Variants in BCAS3 observed in about 807,000 individuals in gnomAD.
BCAS3 encodes the protein BCAS4/BCAS3 fusion.
Under a neutral mutation model 116.1 loss-of-function variants are expected in BCAS3, and 53 were observed. The ratio of observed to expected loss-of-function variants is 0.46; its 90% confidence interval spans 0.37 to 0.57. The LOEUF is 0.57. BCAS3 is among the 20% of genes least tolerant of loss of function. The pLI is 0.00. For synonymous variants in BCAS3, 391 were observed against 408.2 expected, an observed-to-expected ratio of 0.96 and a Z score of 0.51; for missense variants, 917 against 1,165.4, an observed-to-expected ratio of 0.79 and a Z score of 3.10.
At chr17:61,312,523 C>T (rs1269080937) in intron 22 of BCAS3, among the ~76,000 whole-genome samples, 2 of 152,190 alleles carry the variant, frequency 1.3e-5, no homozygotes, top group Admixed American at 6.5e-5. Context: ...TAACAGCAGA[C>T]GTTCATGTCT....
At chr17:61,094,497 T>G (rs771806470) in intron 22 of BCAS3, among the ~76,000 whole-genome samples, 1 of 152,214 alleles carries the variant, frequency 6.6e-6, no homozygotes, top group Non-Finnish European at 1.5e-5. Flanking sequence ...AATTGAAAAT[T>G]AGAAATTTGA....
At chr17:60,968,544 A>C (rs1427207066) in intron 14 of BCAS3, among the ~76,000 whole-genome samples, 1 of 151,852 alleles carries the variant, frequency 6.6e-6, no homozygotes, top group African/African-American at 2.4e-5. Flanking sequence ...CTGTTAGTGA[A>C]TCTTTACAGC....
chr17:61,196,314 A>G lies in BCAS3; in HGVS notation c.2425+111750A>G, dbSNP rs797005339. Among the ~76,000 whole-genome samples, 9 of 152,292 alleles carry G rather than the reference A, an allele frequency of 5.9e-5. No homozygotes were observed. Among genetic ancestry groups the G allele is most frequent in the African/African-American group, 2.2e-4 (9 of 41,560 alleles). ...GTCCCTTGGATTACACTGTGCATCC[A>G]TTGTCTGAACTGTCACAGCAATAGC... On this transcript the variant is annotated intron_variant, in intron 22 of 23. Coordinates refer to ENST00000407086, the MANE Select transcript of BCAS3 (RefSeq NM_017679.5). This position sits in a 1 kb window ranked among gnomAD's most constrained non-coding sequence, Gnocchi z 4.7.
chr17:60,731,426 T>A (rs2040442567), intron 5 of BCAS3, among the ~76,000 whole-genome samples: 1 of 152,180 alleles, frequency 6.6e-6, no homozygotes, highest in Non-Finnish European at 1.5e-5. Context: ...TTGGCCAGGC[T>A]GGTCTCAAAC....
At chr17:60,734,929 G>A (rs1954221596) in intron 5 of BCAS3, among the ~76,000 whole-genome samples, 1 of 152,146 alleles carries the variant, frequency 6.6e-6, no homozygotes, top group South Asian at 2.1e-4. Flanking sequence ...CTGACATCTT[G>A]ACAATATTGA....
rs766372035 is a variant in BCAS3 at position 61,327,494 on chromosome 17, T to C, written c.2426-40833T>C. On this transcript the variant is annotated intron_variant, in intron 22 of 23. Coordinates refer to ENST00000407086, the MANE Select transcript of BCAS3 (RefSeq NM_017679.5). The surrounding 1 kb of genome is among the most constrained non-coding windows in gnomAD (Gnocchi z 5.9). ...AAGTATGTGGAGATGAGGGAGCAAA[T>C]AGAAAATGAAGCAAAATTTTTTTTT... is the stretch of plus-strand genomic sequence containing the variant. Among the ~76,000 whole-genome samples the C allele has an allele frequency of 6.6e-5, 10 of 151,678 alleles. No individual in the cohort carries two copies. Among genetic ancestry groups the C allele is most frequent in the Non-Finnish European group, 1.5e-4 (10 of 67,948 alleles).
rs573827977 is a variant in BCAS3 at position 61,297,666 on chromosome 17, G to T, written c.2426-70661G>T. Among the ~76,000 whole-genome samples, 12 of 152,260 alleles carry T rather than the reference G, an allele frequency of 7.9e-5. No individual in the cohort carries two copies. In the East Asian group the frequency reaches 1.7e-3, roughly 22 times the overall value. On this transcript the variant is annotated intron_variant, in intron 22 of 23. Coordinates refer to ENST00000407086, the MANE Select transcript of BCAS3 (RefSeq NM_017679.5). Reference sequence around the variant, plus strand: ...TTGAAGGGAGGTCAGTGTGATGGGGGTCCTCAGTGGTCGATGGGCAGAGTC... The same window carrying T: ...TTGAAGGGAGGTCAGTGTGATGGGGTTCCTCAGTGGTCGATGGGCAGAGTC...
chr17:61,163,009 T>TA (rs1173137837), intron 22 of BCAS3, among the ~76,000 whole-genome samples: 1 of 152,200 alleles, frequency 6.6e-6, no homozygotes, highest in Non-Finnish European at 1.5e-5. Flanking sequence ...GTTCAGCAAA[T>TA]ATTTGTTGAG....
chr17:61,158,713 G>A (rs1422944555), intron 22 of BCAS3, among the ~76,000 whole-genome samples: 1 of 152,148 alleles, frequency 6.6e-6, no homozygotes, highest in African/African-American at 2.4e-5. Context: ...AGACAGTAAG[G>A]CAGCTCCGAT....
chr17:60,808,134 G>A (rs1032324424), intron 7 of BCAS3, 58 bp downstream of exon 7: 24 of 1,191,790 alleles, frequency 2.0e-5, no homozygotes, highest in African/African-American at 4.6e-5. Flanking sequence ...TTATTCCAGA[G>A]GGAGAACTTT....
rs1291566815 is a variant in BCAS3, at chr17:61,381,341, C to T, written c.2594-10636C>T. Among the ~76,000 whole-genome samples the T allele has an allele frequency of 6.6e-6, 1 of 152,202 alleles. No homozygotes were observed. The highest frequency in any genetic ancestry group is 1.9e-4 in the East Asian group (1 of 5,188). On this transcript the variant is annotated intron_variant, in intron 23 of 23. Coordinates refer to ENST00000407086, the MANE Select transcript of BCAS3 (RefSeq NM_017679.5). This position sits in a 1 kb window ranked among gnomAD's most constrained non-coding sequence, Gnocchi z 6.0. ...GCACCAGCAGCCAGTCTGTGAGCAC[C>T]GCACAAAGGCAGACCGGCATCAGCC...
rs1016825841 is a variant in BCAS3 at position 61,344,393 on chromosome 17, T to G, written c.2426-23934T>G. Among the ~76,000 whole-genome samples, 1 of 152,222 alleles carries G rather than the reference T, an allele frequency of 6.6e-6. No homozygotes were observed. Among genetic ancestry groups the G allele is most frequent in the Non-Finnish European group, 1.5e-5 (1 of 68,044 alleles). The stretch of plus-strand genomic sequence containing the variant: ...GGCCCAGCTTCATCTTCACGGGGAC[T>G]TTCTTCCATCTGTGCACTGATGTTA... On this transcript the variant is annotated intron_variant, in intron 22 of 23. Coordinates refer to ENST00000407086, the MANE Select transcript of BCAS3 (RefSeq NM_017679.5). The surrounding 1 kb of genome is among the most constrained non-coding windows in gnomAD (Gnocchi z 4.1).
intron 6 of BCAS3, among the ~76,000 whole-genome samples, chr17:60,803,348 C>T (rs1430600410): frequency 2.0e-5 from 3 of 152,114 alleles, no homozygotes; most frequent in Non-Finnish European, 4.4e-5. Flanking sequence ...TTAGCTTCAT[C>T]TCCCATCAAA....
intron 12 of BCAS3, among the ~76,000 whole-genome samples, chr17:60,913,515 G>A (rs1371783508): frequency 1.3e-5 from 2 of 152,102 alleles, no homozygotes; most frequent in African/African-American, 4.8e-5. Context: ...AAGTAGTTCA[G>A]TTGGAGTACA....
chr17:60,865,315 G>A (rs979408018), intron 7 of BCAS3, among the ~76,000 whole-genome samples: 2 of 152,150 alleles, frequency 1.3e-5, no homozygotes, highest in South Asian at 2.1e-4. Context: ...GCTTGTCATC[G>A]TCTTTAAAAA....
At position 61,354,814 on chromosome 17, in the gene BCAS3, A is replaced by G. The variant is rs1022560872; in HGVS notation, c.2426-13513A>G. ...GCTGGGAACACCATTTTTAAAGCCC[A>G]CATAGTTAGGAGACTACCAAAATAA... On this transcript the variant is annotated intron_variant, in intron 22 of 23. Coordinates refer to ENST00000407086, the MANE Select transcript of BCAS3 (RefSeq NM_017679.5). The surrounding 1 kb of genome is among the most constrained non-coding windows in gnomAD (Gnocchi z 4.5). 2.6e-5 allele frequency: 4 copies of G among 152,268 alleles called. No homozygotes were observed. Among genetic ancestry groups the G allele is most frequent in the Non-Finnish European group, 5.9e-5 (4 of 68,062 alleles). The allele number at this position is 152,268 out of a possible 1,614,324, so 9.4% of individuals were successfully genotyped here. A position where few individuals can be genotyped will look rare whatever the true frequency, so the allele number is the denominator to read the frequency against.
chr17:61,329,142 C>T (rs1013886735), intron 22 of BCAS3, among the ~76,000 whole-genome samples: 6 of 151,324 alleles, frequency 4.0e-5, no homozygotes, highest in Non-Finnish European at 8.8e-5. Flanking sequence ...GTGATCAGCC[C>T]GCCTCGGCCT....
intron 10 of BCAS3, among the ~76,000 whole-genome samples, chr17:60,898,719 G>GA (rs1378774629): frequency 6.6e-6 from 1 of 152,194 alleles, no homozygotes; most frequent in African/African-American, 2.4e-5. Context: ...TGGCAATGGT[G>GA]AACAGTATGG....
At chr17:61,311,653 G>A (rs891810961) in intron 22 of BCAS3, among the ~76,000 whole-genome samples, 2 of 152,172 alleles carry the variant, frequency 1.3e-5, no homozygotes, top group African/African-American at 4.8e-5. Flanking sequence ...CCAGCACTTT[G>A]GGAGGCCGAG....
Sources: gnomAD v4.1 joint callset for allele counts (sites outside exome capture counted in the v4.1 genomes callset) on GRCh38, gnomAD v4.1.1 for gene constraint, Gnocchi (gnomAD v3.1) non-coding constraint, MANE v1.5 for transcripts, NCBI Gene and HGNC (gene_info 2026-07-23, HGNC 2026-07-21) for gene names.